CCDC102B: variants seen among roughly 807,000 people sequenced by gnomAD.
The protein encoded by CCDC102B is coiled-coil domain containing 102B.
Under a neutral mutation model 57.4 loss-of-function variants are expected in CCDC102B, and 75 were observed. That is an observed-to-expected ratio of 1.31 (90% CI 1.08 to 1.58). The LOEUF (loss-of-function observed/expected upper bound fraction) is 1.58. Among genes scored for constraint, CCDC102B ranks in the 40% most tolerant of loss-of-function variants. CCDC102B has a pLI of 0.00. For missense variants in CCDC102B, 636 were observed against 582.6 expected (o/e 1.09, Z -0.94); for synonymous variants, 206 against 201.9 (o/e 1.02, Z -0.17).
intron 2 of CCDC102B, among the ~76,000 whole-genome samples, chr18:68,727,841 C>G (rs748954376): frequency 6.6e-6 from 1 of 152,186 alleles, no homozygotes; most frequent in African/African-American, 2.4e-5. Flanking sequence ...AGAATTGACA[C>G]AAATAAAATC....
chr18:68,934,667 A>C (rs2041785071), intron 6 of CCDC102B, among the ~76,000 whole-genome samples: 1 of 152,026 alleles, frequency 6.6e-6, no homozygotes, highest in Non-Finnish European at 1.5e-5. Flanking sequence ...ACTGTAAAAA[A>C]AAGTTCAGTA....
At chr18:68,762,967 A>T (rs1195401995) in intron 2 of CCDC102B, among the ~76,000 whole-genome samples, 4 of 152,050 alleles carry the variant, frequency 2.6e-5, no homozygotes, top group Non-Finnish European at 5.9e-5. Flanking sequence ...ATTTTACCTC[A>T]GCCTCACAAA....
At chr18:68,757,419 C>A (rs925199629) in intron 2 of CCDC102B, among the ~76,000 whole-genome samples, 2 of 151,952 alleles carry the variant, frequency 1.3e-5, no homozygotes, top group Admixed American at 6.6e-5. Context: ...TGAAATTGAT[C>A]CCAAACTGCA....
At chr18:68,843,375 G>A (rs1344017763) in intron 3 of CCDC102B, among the ~76,000 whole-genome samples, 1 of 152,018 alleles carries the variant, frequency 6.6e-6, no homozygotes, top group African/African-American at 2.4e-5. Flanking sequence ...ATTTCACACA[G>A]TTCAACAATG....
chr18:68,859,079 C>T (rs1345070500), intron 4 of CCDC102B: 1 of 151,798 alleles, frequency 6.6e-6, no homozygotes, highest in African/African-American at 2.4e-5. Flanking sequence ...ACCAAAACAG[C>T]ATGGTACTGG....
intron 1 of CCDC102B, chr18:68,716,470 CT>C (rs1304154461): frequency 7.2e-5 from 11 of 152,100 alleles, no homozygotes; most frequent in African/African-American, 2.4e-5. Context: ...GGCTATTGAG[CT>C]TTTGAAATGT....
At chr18:69,022,224 A>ATATATATATATATATATAT (rs1568131201) in intron 7 of CCDC102B, among the ~76,000 whole-genome samples, 1 of 111,776 alleles carries the variant, frequency 8.9e-6, no homozygotes, top group African/African-American at 4.8e-5. Flanking sequence ...TATATATATA[A>ATATATATATATATATATAT]CACACACACA....
chr18:68,716,389 C>G (rs968201682), intron 1 of CCDC102B: 8 of 152,034 alleles, frequency 5.3e-5, no homozygotes, highest in Admixed American at 2.0e-4. Flanking sequence ...TTTAAGTTCA[C>G]ATGTGGACAA....
At chr18:68,759,872 C>T (rs1163285880) in intron 2 of CCDC102B, among the ~76,000 whole-genome samples, 1 of 152,040 alleles carries the variant, frequency 6.6e-6, no homozygotes, top group African/African-American at 2.4e-5. Flanking sequence ...ACATTCCCCT[C>T]AGCCCTCACC....
chr18:68,815,677 TACACACACACAC>T (rs10592850), intron 1 of CCDC102B, among the ~76,000 whole-genome samples: 1 of 149,176 alleles, frequency 6.7e-6, no homozygotes, highest in Non-Finnish European at 1.5e-5. Flanking sequence ...TCCATTTACA[TACACACACACAC>T]ACACACACAC....
At chr18:69,010,108 T>C (rs1481988936) in intron 6 of CCDC102B, among the ~76,000 whole-genome samples, 3 of 138,330 alleles carry the variant, frequency 2.2e-5, no homozygotes, top group East Asian at 4.2e-4. Context: ...ATTTTTTTTT[T>C]TTTTTTTTTT....
intron 5 of CCDC102B, among the ~76,000 whole-genome samples, chr18:68,876,471 T>G (rs571727456): frequency 2.0e-4 from 30 of 152,324 alleles, no homozygotes; most frequent in Non-Finnish European, 4.0e-4. Context: ...TAGCATTATC[T>G]TTGACATGAA....
At chr18:69,026,133 G>A (rs1346744272) in intron 7 of CCDC102B, among the ~76,000 whole-genome samples, 1 of 152,102 alleles carries the variant, frequency 6.6e-6, no homozygotes, top group African/African-American at 2.4e-5. Context: ...AGGGGCTTGG[G>A]TGAAAAGGAG....
chr18:68,878,056 C>A (rs2039519211), intron 5 of CCDC102B, among the ~76,000 whole-genome samples: 1 of 152,180 alleles, frequency 6.6e-6, no homozygotes, highest in Non-Finnish European at 1.5e-5. Context: ...GCAAAGCTGT[C>A]TATATTCATT....
intron 5 of CCDC102B, among the ~76,000 whole-genome samples, chr18:68,879,023 G>A (rs1040335275): frequency 3.4e-4 from 51 of 152,064 alleles, no homozygotes; most frequent in Non-Finnish European, 1.5e-4. Flanking sequence ...TGGTGGGTTC[G>A]TGGTCTCGCT....
At chr18:68,954,817 G>T (rs1283950245) in intron 6 of CCDC102B, among the ~76,000 whole-genome samples, 1 of 152,118 alleles carries the variant, frequency 6.6e-6, no homozygotes, top group African/African-American at 2.4e-5. Flanking sequence ...AACTCTAATT[G>T]CATTGCCTCA....
At chr18:68,861,506 A>G (rs140833814) in intron 4 of CCDC102B, among the ~76,000 whole-genome samples, 19 of 152,266 alleles carry the variant, frequency 1.2e-4, no homozygotes, top group African/African-American at 4.3e-4. Context: ...GTCTTGTTAG[A>G]TGAGACCAGA....
chr18:68,769,328 T>A (rs1652604424), intron 2 of CCDC102B, among the ~76,000 whole-genome samples: 1 of 151,972 alleles, frequency 6.6e-6, no homozygotes, highest in South Asian at 2.1e-4. Flanking sequence ...AAAGCTATTA[T>A]AAGTATGCTC....
intron 1 of CCDC102B, among the ~76,000 whole-genome samples, chr18:68,800,334 G>C (rs2035800592): frequency 6.6e-6 from 1 of 152,082 alleles, no homozygotes; most frequent in Non-Finnish European, 1.5e-5. Context: ...TTAGGGTGCA[G>C]GGAGGAGGTC....
Sources: gnomAD v4.1 joint callset for allele counts (sites outside exome capture counted in the v4.1 genomes callset) on GRCh38, gnomAD v4.1.1 for gene constraint, MANE v1.5 for transcripts, NCBI Gene and HGNC (gene_info 2026-07-23, HGNC 2026-07-21) for gene names.